CDC42BPA: variants seen among roughly 807,000 people sequenced by gnomAD.
CDC42BPA encodes the protein CDC42 binding protein kinase alpha.
CDC42BPA carries 80 observed loss-of-function variants against 223.5 expected under a neutral mutation model. That is an observed-to-expected ratio of 0.36 (90% CI 0.30 to 0.43). The LOEUF is 0.43. Ranked by LOEUF, CDC42BPA falls within the 20% of genes least tolerant of loss-of-function variation. CDC42BPA has a pLI of 1.00. For synonymous variants in CDC42BPA, 694 were observed against 718.6 expected (o/e 0.97, Z 0.55); for missense variants, 1,743 against 2,099.9 (o/e 0.83, Z 3.32).
chr1:227,258,717 C>A (rs537891486), intron 1 of CDC42BPA, among the ~76,000 whole-genome samples: 1 of 150,848 alleles, frequency 6.6e-6, no homozygotes. Context: ...ACTGATTATA[C>A]GTTCAACTTA....
At chr1:227,156,621 CT>C (rs1394090309) in intron 6 of CDC42BPA, among the ~76,000 whole-genome samples, 3 of 152,086 alleles carry the variant, frequency 2.0e-5, no homozygotes, top group Non-Finnish European at 2.9e-5. Flanking sequence ...GAATGAATGA[CT>C]GGGAGGACAC....
intron 5 of CDC42BPA, chr1:227,183,459 T>C (rs1299394891): frequency 6.6e-6 from 1 of 152,228 alleles, no homozygotes. Context: ...TGTAACATTT[T>C]GAGATTTAAT....
At chr1:227,143,250 T>TCTGATAC (rs1660028324) in intron 8 of CDC42BPA, among the ~76,000 whole-genome samples, 1 of 152,140 alleles carries the variant, frequency 6.6e-6, no homozygotes, top group African/African-American at 2.4e-5. Context: ...AAGTCTGATA[T>TCTGATAC]TGAGAATACA....
At chr1:227,014,002 G>A (rs1371922510) in intron 34 of CDC42BPA, among the ~76,000 whole-genome samples, 1 of 151,508 alleles carries the variant, frequency 6.6e-6, no homozygotes, top group African/African-American at 2.4e-5. Flanking sequence ...AATTCTTTAC[G>A]GTATTTTGTG....
At chr1:227,217,429 G>T (rs1675057209) in intron 2 of CDC42BPA, among the ~76,000 whole-genome samples, 2 of 150,640 alleles carry the variant, frequency 1.3e-5, no homozygotes, top group Non-Finnish European at 3.0e-5. Context: ...CCGGGCTGAA[G>T]TGAGTGAGAC....
At chr1:227,034,864 T>C (rs1669945521) in intron 25 of CDC42BPA, 70 bp from the exon 26 acceptor site, 2 of 1,401,138 alleles carry the variant, frequency 1.4e-6, no homozygotes, top group African/African-American at 2.9e-5. Flanking sequence ...ATTACATATG[T>C]AATTGCATGG....
chr1:227,042,297 G>GAGATATATATAGATAT (rs922408596), intron 23 of CDC42BPA, among the ~76,000 whole-genome samples: 1 of 147,608 alleles, frequency 6.8e-6, no homozygotes, highest in African/African-American at 2.6e-5. Context: ...ATACATATAT[G>GAGATATATATAGATAT]ATATATATAT....
chr1:227,006,949 TCAACAACAACAA>T (rs58305329), intron 34 of CDC42BPA, among the ~76,000 whole-genome samples: 41 of 148,138 alleles, frequency 2.8e-4, no homozygotes, highest in East Asian at 1.0e-3. Flanking sequence ...AGACTCCGTC[TCAACAACAACAA>T]CAACAACAAC....
At chr1:227,226,520 T>C (rs942943334) in intron 2 of CDC42BPA, among the ~76,000 whole-genome samples, 1 of 152,162 alleles carries the variant, frequency 6.6e-6, no homozygotes, top group Non-Finnish European at 1.5e-5. Flanking sequence ...GAATGAAGAC[T>C]TTCATCAATG....
At chr1:227,309,215 A>AT (rs1314347390) in intron 1 of CDC42BPA, among the ~76,000 whole-genome samples, 52 of 148,220 alleles carry the variant, frequency 3.5e-4, no homozygotes, top group African/African-American at 1.4e-3. Context: ...AAAAAAAAAA[A>AT]AAAAAAATAA....
At chr1:227,316,984 C>A (rs1177154989) in intron 1 of CDC42BPA, 21 bp downstream of exon 1, 1 of 1,579,984 alleles carries the variant, frequency 6.3e-7, no homozygotes. Flanking sequence ...TTAACAGTTT[C>A]TTTAAAAATT....
rs776346913 is a variant in CDC42BPA at position 227,030,470 on chromosome 1, T to C, written c.3776A>G (p.Asp1259Gly). 6.3e-7 allele frequency: 1 copy of C among 1,579,766 alleles called. No homozygotes were observed. Among genetic ancestry groups the C allele is most frequent in the Admixed American group, 1.7e-5 (1 of 57,784 alleles). Residue 1259 changes from aspartate (D) to glycine (G), a missense_variant and splice_region_variant, in exon 29 of 37, where the codon GAT (aspartate) becomes GGT (glycine). Physicochemically the swap from Asp to Gly is moderately conservative, Grantham distance 94 (BLOSUM62 -1). This residue lies in a region of CDC42BPA where 678 missense variants were observed against 777.5 expected (regional missense o/e 0.87). Transcript: ENST00000366766. ...GTTTCCCAAAGCAATTCTTTCATGATCTATGTAAGACATGAATGTGAAAGA... is the reference window on the plus strand; with the variant it reads ...GTTTCCCAAAGCAATTCTTTCATGACCTATGTAAGACATGAATGTGAAAGA... ...IKTTQAAAII[D>G]HERIALGNEE...
intron 28 of CDC42BPA, 145 bp downstream of exon 28, chr1:227,031,149 CTCAT>C: frequency 1.6e-6 from 1 of 641,226 alleles, no homozygotes; most frequent in Admixed American, 2.9e-5. Flanking sequence ...TGATATAGGT[CTCAT>C]TCATTCAGTA....
rs549201270 is a variant in CDC42BPA at position 227,290,928 on chromosome 1, C to T, written c.178+26077G>A. 2.0e-5 allele frequency among the ~76,000 whole-genome samples: 3 copies of T among 152,216 alleles called. No individual in the cohort carries two copies. The East Asian group carries it at 5.8e-4, about 29-fold the overall frequency. On this transcript the variant is annotated intron_variant, in intron 1 of 36. Transcript: ENST00000366766. ...GAAAATGATACAAATAAACTGTAGG[C>T]CACAATGCCAACTATAGGGGAGACT...
intron 3 of CDC42BPA, among the ~76,000 whole-genome samples, chr1:227,203,270 T>C (rs1249591683): frequency 6.6e-6 from 1 of 152,204 alleles, no homozygotes; most frequent in Non-Finnish European, 1.5e-5. Flanking sequence ...CTTCAACATA[T>C]CACACTGCTC....
intron 1 of CDC42BPA, among the ~76,000 whole-genome samples, chr1:227,283,543 A>G (rs1688334878): frequency 6.6e-6 from 1 of 152,180 alleles, no homozygotes; most frequent in Non-Finnish European, 1.5e-5. Flanking sequence ...ATTTATTTTC[A>G]AAATGCTTTA....
intron 5 of CDC42BPA, among the ~76,000 whole-genome samples, chr1:227,189,191 T>G (rs1028314622): frequency 6.6e-6 from 1 of 152,126 alleles, no homozygotes; most frequent in African/African-American, 2.4e-5. Context: ...CCTTAGGAAA[T>G]GCAAGCAAAT....
chr1:227,089,627 G>GTTTTTTTTTT (rs72110440), intron 16 of CDC42BPA, among the ~76,000 whole-genome samples: 1 of 116,716 alleles, frequency 8.6e-6, no homozygotes, highest in African/African-American at 3.3e-5. Flanking sequence ...GGGTAATTCC[G>GTTTTTTTTTT]TTTTTTTTTT....
intron 14 of CDC42BPA, among the ~76,000 whole-genome samples, chr1:227,107,119 A>C (rs1686068918): frequency 6.6e-6 from 1 of 152,226 alleles, no homozygotes; most frequent in Non-Finnish European, 1.5e-5. Context: ...ACTGAATTGA[A>C]GCTGTACATA....
Sources: allele counts gnomAD v4.1 joint callset (sites outside exome capture counted in the v4.1 genomes callset), GRCh38; gene constraint gnomAD v4.1.1; regional missense constraint gnomAD v4.1.1; transcripts MANE v1.5; gene names NCBI Gene and HGNC (gene_info 2026-07-23, HGNC 2026-07-21).